The following DLGAP2 variants were observed in gnomAD, a reference collection of about 807,000 sequenced individuals.
The protein encoded by DLGAP2 is DLG associated protein 2.
A neutral mutation model predicts 100.3 loss-of-function variants in DLGAP2; 26 were observed. The observed-to-expected ratio is 0.26, with a 90% CI of 0.19 to 0.36. The LOEUF (loss-of-function observed/expected upper bound fraction) is 0.36, where lower values mean the gene tolerates loss of function less well. Among genes scored for constraint, DLGAP2 ranks in the 10% least tolerant of loss-of-function variants. The pLI, the probability that DLGAP2 is intolerant of heterozygous loss-of-function variation, is 1.00. For missense variants in DLGAP2, 1,858 were observed against 1,453.2 expected (o/e 1.28, Z -4.53); for synonymous variants, 886 against 630.1 (o/e 1.41, Z -6.08).
chr8:750,575 C>A (rs1820764896), intron 1 of DLGAP2, among the ~76,000 whole-genome samples: 1 of 152,184 alleles, frequency 6.6e-6, no homozygotes, highest in Admixed American at 6.5e-5. Flanking sequence ...TGAATGGTAA[C>A]AGAAAACATG....
intron 2 of DLGAP2, among the ~76,000 whole-genome samples, chr8:1,252,741 C>T (rs1050157811): frequency 2.6e-5 from 4 of 152,270 alleles, no homozygotes; most frequent in African/African-American, 4.8e-5. Context: ...GGCCTGCTGT[C>T]ATCTAGAGCT....
intron 3 of DLGAP2, among the ~76,000 whole-genome samples, chr8:1,408,124 C>G (rs896930943): frequency 6.6e-6 from 1 of 152,250 alleles, no homozygotes; most frequent in Admixed American, 6.5e-5. Context: ...GAGATCAAGG[C>G]AAGCCTGGTC....
chr8:1,106,381 A>G (rs1051835053), intron 2 of DLGAP2, among the ~76,000 whole-genome samples: 1 of 149,910 alleles, frequency 6.7e-6, no homozygotes, highest in Non-Finnish European at 1.5e-5. Context: ...TTTTCTATTG[A>G]GGGGAGCCAT....
chr8:1,570,889 A>T (rs1286321626), intron 6 of DLGAP2, among the ~76,000 whole-genome samples: 1 of 143,262 alleles, frequency 7.0e-6, no homozygotes, highest in African/African-American at 2.6e-5. Flanking sequence ...AGAGGGGTGA[A>T]CTGGAGGGGC....
At chr8:1,122,036 A>T (rs1031324495) in intron 2 of DLGAP2, among the ~76,000 whole-genome samples, 5 of 152,156 alleles carry the variant, frequency 3.3e-5, no homozygotes, top group Admixed American at 1.3e-4. Flanking sequence ...CTAGGGATTG[A>T]GTGCATTTGC....
At chr8:1,631,151 G>C (rs1290296842) in intron 7 of DLGAP2, among the ~76,000 whole-genome samples, 1 of 152,142 alleles carries the variant, frequency 6.6e-6, no homozygotes, top group Non-Finnish European at 1.5e-5. Context: ...GTTTTGGGGA[G>C]GAGGAGTCAC....
At chr8:964,504 C>T (rs1410200277) in intron 2 of DLGAP2, among the ~76,000 whole-genome samples, 1 of 152,262 alleles carries the variant, frequency 6.6e-6, no homozygotes, top group Non-Finnish European at 1.5e-5. Flanking sequence ...CATGCTGTGC[C>T]TATCTCCAGG....
intron 3 of DLGAP2, among the ~76,000 whole-genome samples, chr8:1,452,386 C>A (rs540148909): frequency 6.6e-6 from 1 of 152,346 alleles, no homozygotes; most frequent in East Asian, 1.9e-4. Context: ...TGAGCCGAGG[C>A]TATGCGTGCG....
intron 1 of DLGAP2, among the ~76,000 whole-genome samples, chr8:824,722 T>C (rs553260212): frequency 1.4e-3 from 219 of 152,082 alleles, no homozygotes; most frequent in Non-Finnish European, 1.8e-3. Context: ...GTGCTAGCGA[T>C]TCAGAGGACC....
chr8:1,537,662 T>A (rs116364840), intron 4 of DLGAP2, among the ~76,000 whole-genome samples: 1,720 of 151,908 alleles, frequency 0.011, 34 homozygotes, highest in African/African-American at 0.039. Flanking sequence ...GAACTCGTGA[T>A]GCCTGTGGCT....
intron 1 of DLGAP2, among the ~76,000 whole-genome samples, chr8:821,659 A>C (rs1267502838): frequency 6.6e-6 from 1 of 152,236 alleles, no homozygotes; most frequent in Non-Finnish European, 1.5e-5. Context: ...GTTTCTTGGA[A>C]TCTGTTTGGT....
chr8:849,796 G>A (rs1261846002), intron 1 of DLGAP2, among the ~76,000 whole-genome samples: 1 of 152,098 alleles, frequency 6.6e-6, no homozygotes, highest in East Asian at 1.9e-4. Flanking sequence ...AAGCTAGGTT[G>A]CCCGGGCACG....
At chr8:1,146,180 C>T (rs1333649381) in intron 2 of DLGAP2, among the ~76,000 whole-genome samples, 1 of 152,204 alleles carries the variant, frequency 6.6e-6, no homozygotes, top group Non-Finnish European at 1.5e-5. Context: ...GGAGCCCCTG[C>T]AGGTGCTGTG....
At chr8:996,265 C>T (rs1191462217) in intron 2 of DLGAP2, among the ~76,000 whole-genome samples, 1 of 152,148 alleles carries the variant, frequency 6.6e-6, no homozygotes, top group Non-Finnish European at 1.5e-5. Context: ...TGAGTTACTT[C>T]CCCAGAATCA....
At chr8:1,547,098 A>G (rs578141466) in intron 4 of DLGAP2, among the ~76,000 whole-genome samples, 1 of 152,194 alleles carries the variant, frequency 6.6e-6, no homozygotes, top group Non-Finnish European at 1.5e-5. Context: ...GGACCCGGGC[A>G]GCGACATCTA....
chr8:838,674 T>C (rs143183432), intron 1 of DLGAP2, among the ~76,000 whole-genome samples: 10 of 152,304 alleles, frequency 6.6e-5, no homozygotes, highest in African/African-American at 1.9e-4. Context: ...TATATTGTCA[T>C]GTTAATGCAA....
chr8:1,060,613 G>A (rs35389636), intron 2 of DLGAP2, among the ~76,000 whole-genome samples: 7 of 152,028 alleles, frequency 4.6e-5, no homozygotes, highest in African/African-American at 1.7e-4. Flanking sequence ...AATCACATCC[G>A]TAAAGACCTC....
intron 6 of DLGAP2, among the ~76,000 whole-genome samples, chr8:1,600,110 T>G (rs1000993055): frequency 6.6e-6 from 1 of 152,178 alleles, no homozygotes; most frequent in African/African-American, 2.4e-5. Context: ...GTAAAGGATT[T>G]TATTTCTCCT....
At position 1,508,251 on chromosome 8, in the gene DLGAP2, G is replaced by T. The variant is rs150379685; in HGVS notation, c.172+6820G>T. ...CCATTCTGGCCTCCTGAAGGGCGGT[G>T]CCTGCTCCCGGGCTGCCCCCTGCCA... On this transcript the variant is annotated intron_variant, in intron 4 of 14. Transcript: ENST00000637795. Among the ~76,000 whole-genome samples the T allele has an allele frequency of 7.5e-3, 1,023 of 136,014 alleles. 22 individuals are homozygous for T. Among genetic ancestry groups the T allele is most frequent in the African/African-American group, 0.027 (971 of 36,030 alleles). The allele number at this position is 136,014 out of a possible 152,430, so 89.2% of individuals were successfully genotyped here. A position where few individuals can be genotyped will look rare whatever the true frequency, so the allele number is the denominator to read the frequency against.
Sources: allele counts gnomAD v4.1 joint callset (sites outside exome capture counted in the v4.1 genomes callset), GRCh38; gene constraint gnomAD v4.1.1; transcripts MANE v1.5; gene names NCBI Gene and HGNC (gene_info 2026-07-23, HGNC 2026-07-21).